The following PHF2 variants were observed in gnomAD, a reference collection of about 807,000 sequenced individuals.
The protein encoded by PHF2 is PHD finger protein 2, also known as lysine-specific demethylase PHF2.
Under a neutral mutation model 120.5 loss-of-function variants are expected in PHF2, and 27 were observed. The observed-to-expected ratio is 0.22, with a 90% CI of 0.17 to 0.31. The LOEUF is 0.31. Among genes scored for constraint, PHF2 ranks in the 10% least tolerant of loss-of-function variants. The probability of loss-of-function intolerance (pLI) is 1.00; values close to 1 mark genes in which losing one functional copy is unlikely to be tolerated. For synonymous variants in PHF2, 568 were observed against 592.5 expected, an observed-to-expected ratio of 0.96 and a Z score of 0.60; for missense variants, 1,024 against 1,434.8, an observed-to-expected ratio of 0.71 and a Z score of 4.63.
intron 1 of PHF2, among the ~76,000 whole-genome samples, chr9:93,600,396 G>A (rs998917532): frequency 3.3e-5 from 5 of 152,208 alleles, no homozygotes; most frequent in Non-Finnish European, 5.9e-5. Context: ...CTCCCAGTCC[G>A]ATGCCTGTCC....
intron 11 of PHF2, among the ~76,000 whole-genome samples, chr9:93,659,841 C>G (rs1322225563): frequency 1.3e-5 from 2 of 152,192 alleles, no homozygotes; most frequent in African/African-American, 4.8e-5. Flanking sequence ...TGGCACCAGC[C>G]TCTCTGAAAC....
intron 3 of PHF2, among the ~76,000 whole-genome samples, chr9:93,641,300 G>A (rs911667542): frequency 3.3e-5 from 5 of 151,690 alleles, no homozygotes; most frequent in African/African-American, 4.8e-5. Context: ...TCCTTCTGCC[G>A]GATTAAGGAG....
At position 93,663,519 on chromosome 9, in the gene PHF2, C is replaced by T. The variant is rs1248935650; in HGVS notation, c.1821C>T (p.Asn607=). Reference sequence around the variant, plus strand: ...ACGGCCCTGGTCTTGCTTTTCAGAACAGCAAACCTGACTCCTTACTGAAGA... The same window carrying T: ...ACGGCCCTGGTCTTGCTTTTCAGAATAGCAAACCTGACTCCTTACTGAAGA... ...SKSEAKWKYK[N]SKPDSLLKME... is the part of the protein sequence containing the mutation. The change falls in exon 14 of 22, where the codon AAC becomes AAT. Residue 607 remains asparagine, a splice_region_variant and synonymous_variant. Transcript: ENST00000359246. 3 of 1,606,118 alleles carry T rather than the reference C, an allele frequency of 1.9e-6. No homozygotes were observed. The highest frequency in any genetic ancestry group is 1.3e-5 in the African/African-American group (1 of 74,690).
chr9:93,616,419 C>T (rs1227321835), intron 1 of PHF2, among the ~76,000 whole-genome samples: 1 of 152,208 alleles, frequency 6.6e-6, no homozygotes, highest in Non-Finnish European at 1.5e-5. Flanking sequence ...AGAGTGCCTG[C>T]CCTGCAGCCC....
Position 93,656,677 on chromosome 9 carries a change from T to C in PHF2, c.1147+82T>C, listed in dbSNP as rs1826466441. On this transcript the variant is annotated intron_variant, in intron 9 of 21. Transcript: ENST00000359246. The surrounding 1 kb of genome is among the most constrained non-coding windows in gnomAD (Gnocchi z 4.1). ...CCAGACCTGGTCAGGGCTGACTGTC[T>C]GGGTGTGAGTGCCGCCTTCCTGTGG... 1 of 908,376 alleles carries C rather than the reference T, an allele frequency of 1.1e-6. No individual in the cohort carries two copies. Among genetic ancestry groups the C allele is most frequent in the Non-Finnish European group, 1.8e-6 (1 of 563,922 alleles). 56.3% of individuals were successfully genotyped at this position (908,376 alleles called of 1,614,324 possible).
intron 1 of PHF2, among the ~76,000 whole-genome samples, chr9:93,597,237 G>A (rs1238440837): frequency 6.6e-6 from 1 of 152,150 alleles, no homozygotes; most frequent in Non-Finnish European, 1.5e-5. Context: ...CCTCTGCCAA[G>A]TTTTAAAAAA....
At chr9:93,655,858 C>A in intron 7 of PHF2, 76 bp from the exon 8 acceptor site, 1 of 1,101,154 alleles carries the variant, frequency 9.1e-7, no homozygotes, top group Non-Finnish European at 1.3e-6. Context: ...GTCTCCGCCG[C>A]TCCCTGATCT....
rs772479022 is a variant in PHF2 at position 93,667,277 on chromosome 9, A to C, written c.2348+37A>C. ...CACCCGGCAGCACCCAAGAGCGGGG[A>C]CCAGGCAGGCCCAGGGCTGGCCCTC... On this transcript the variant is annotated intron_variant, in intron 17 of 21. Transcript: ENST00000359246. 6.3e-6 allele frequency: 10 copies of C among 1,591,330 alleles called. No homozygotes were observed. In the South Asian group the frequency reaches 9.1e-5, roughly 14 times the overall value.
rs10739952 is a variant in PHF2 at position 93,599,931 on chromosome 9, T to A, written c.98+23060T>A. Among the ~76,000 whole-genome samples, 4 of 152,140 alleles carry A rather than the reference T, an allele frequency of 2.6e-5. No homozygotes were observed. The South Asian group carries it at 6.2e-4, about 24-fold the overall frequency. Reference sequence around the variant, plus strand: ...GCCCTTTGTCTTTATCAGTGAAGACTTTGAGGCCAAGAAAGATAGGACGTC... The same window carrying A: ...GCCCTTTGTCTTTATCAGTGAAGACATTGAGGCCAAGAAAGATAGGACGTC... On this transcript the variant is annotated intron_variant, in intron 1 of 21. Coordinates refer to ENST00000359246, the MANE Select transcript of PHF2 (RefSeq NM_005392.4).
chr9:93,636,529 G>A lies in PHF2; in HGVS notation c.299+4G>A. 1 of 1,574,254 alleles carries A rather than the reference G, an allele frequency of 6.4e-7. No individual in the cohort carries two copies. Among genetic ancestry groups the A allele is most frequent in the Non-Finnish European group, 8.6e-7 (1 of 1,159,158 alleles). ...TGCGGAGCCGGACCTTTCCCAGGTG[G>A]GCTGGCCTTCCTGTATGCTCCACCA... On this transcript the variant is annotated splice_donor_region_variant and intron_variant, in intron 3 of 21. Transcript: ENST00000359246.
intron 1 of PHF2, among the ~76,000 whole-genome samples, chr9:93,593,801 T>C (rs556640127): frequency 7.9e-5 from 12 of 152,314 alleles, no homozygotes; most frequent in East Asian, 7.7e-4. Context: ...ACTACACACA[T>C]AATGTGATGG....
chr9:93,675,092 C>A, intron 19 of PHF2, 70 bp downstream of exon 19: 2 of 1,231,982 alleles, frequency 1.6e-6, no homozygotes, highest in Non-Finnish European at 2.4e-6. Flanking sequence ...GTCTGTGGTC[C>A]CTCCAGCCCC....
intron 2 of PHF2, among the ~76,000 whole-genome samples, chr9:93,634,784 A>G (rs955664024): frequency 6.6e-6 from 1 of 152,198 alleles, no homozygotes; most frequent in Non-Finnish European, 1.5e-5. Context: ...GGCATAGGGG[A>G]CACACAGGGA....
chr9:93,656,029 C>G lies in PHF2; in HGVS notation c.1040+8C>G. On this transcript the variant is annotated splice_region_variant and intron_variant, in intron 8 of 21. Transcript: ENST00000359246. The surrounding 1 kb of genome is among the most constrained non-coding windows in gnomAD (Gnocchi z 4.1). ...TGTGGAGATGCAGATGAGGTAGTGC[C>G]TGCCGCGCTGTCTGCCCTCGGGCTC... 6.2e-7 allele frequency: 1 copy of G among 1,609,186 alleles called. No individual in the cohort carries two copies. The highest frequency in any genetic ancestry group is 1.7e-4 in the Middle Eastern group (1 of 6,044).
intron 1 of PHF2, among the ~76,000 whole-genome samples, chr9:93,593,391 T>C (rs1055805734): frequency 6.6e-6 from 1 of 152,188 alleles, no homozygotes; most frequent in Non-Finnish European, 1.5e-5. Context: ...TCTGGTCAAA[T>C]TTGTCTTGTG....
chr9:93,614,151 T>G (rs369335852), intron 1 of PHF2, among the ~76,000 whole-genome samples: 4 of 152,346 alleles, frequency 2.6e-5, no homozygotes, highest in African/African-American at 9.6e-5. Flanking sequence ...GTGAGTGACT[T>G]TGGCTTACAG....
chr9:93,577,173 A>T (rs1862837794), intron 1 of PHF2, among the ~76,000 whole-genome samples: 1 of 149,482 alleles, frequency 6.7e-6, no homozygotes, highest in South Asian at 2.1e-4. Flanking sequence ...TTGGGGCTCC[A>T]GGCCCGGGCC....
chr9:93,641,246 G>A (rs1826167934), intron 3 of PHF2, among the ~76,000 whole-genome samples: 1 of 152,110 alleles, frequency 6.6e-6, no homozygotes. Flanking sequence ...TTTTGTTATG[G>A]AGAACAACAC....
intron 3 of PHF2, among the ~76,000 whole-genome samples, chr9:93,639,980 A>C (rs972968747): frequency 1.3e-5 from 2 of 152,180 alleles, no homozygotes; most frequent in Non-Finnish European, 2.9e-5. Context: ...TCTTAAATAG[A>C]TGTTTCTTCA....
Sources: allele counts gnomAD v4.1 joint callset (sites outside exome capture counted in the v4.1 genomes callset), GRCh38; gene constraint gnomAD v4.1.1; non-coding constraint Gnocchi (gnomAD v3.1); transcripts MANE v1.5; gene names NCBI Gene and HGNC (gene_info 2026-07-23, HGNC 2026-07-21).